The following DLG2 variants were observed in gnomAD, a reference collection of about 807,000 sequenced individuals.
DLG2 encodes the protein disks large homolog 2.
A neutral mutation model predicts 132.5 loss-of-function variants in DLG2; 45 were observed. The observed-to-expected ratio is 0.34, with a 90% CI of 0.27 to 0.44. DLG2 has a LOEUF of 0.44. Ranked by LOEUF, DLG2 falls within the 20% of genes least tolerant of loss-of-function variation. The pLI is 1.00. For synonymous variants in DLG2, 424 were observed against 419.6 expected (o/e 1.01, Z -0.13); for missense variants, 1,045 against 1,196.9 (o/e 0.87, Z 1.87).
chr11:84,370,599 A>G (rs1406403907), intron 7 of DLG2, among the ~76,000 whole-genome samples: 4 of 152,172 alleles, frequency 2.6e-5, no homozygotes, highest in African/African-American at 7.2e-5. Context: ...GAAAGCATCA[A>G]ATCCTTTTTA....
At chr11:83,469,519 AC>A (rs2091716962) in intron 24 of DLG2, 146 bp from the exon 25 acceptor site, 1 of 591,296 alleles carries the variant, frequency 1.7e-6, no homozygotes, top group African/African-American at 1.9e-5. Flanking sequence ...TACTAGTCTT[AC>A]CCTCCCACCA....
intron 11 of DLG2, among the ~76,000 whole-genome samples, chr11:83,987,822 T>A (rs563307854): frequency 6.6e-6 from 1 of 152,136 alleles, no homozygotes; most frequent in Non-Finnish European, 1.5e-5. Flanking sequence ...AATAGCCATC[T>A]CTCTGGTGTG....
intron 7 of DLG2, among the ~76,000 whole-genome samples, chr11:84,388,691 T>C (rs1490823272): frequency 1.3e-5 from 2 of 149,078 alleles, no homozygotes; most frequent in South Asian, 4.3e-4. Context: ...GAGAGGAGCA[T>C]GTGATAAATG....
At position 84,039,976 on chromosome 11, in the gene DLG2, A is replaced by G. The variant is rs1468733656; in HGVS notation, c.919+19339T>C. Among the ~76,000 whole-genome samples the G allele has an allele frequency of 2.7e-5, 4 of 149,328 alleles. No homozygotes were observed. The South Asian group carries it at 6.4e-4, about 24-fold the overall frequency. ...TGCATTTCTCTGATGGCCAGTGATGATGAGCATTTTTTCATGTGTTCTTTG... is the reference window on the plus strand; with the variant it reads ...TGCATTTCTCTGATGGCCAGTGATGGTGAGCATTTTTTCATGTGTTCTTTG... On this transcript the variant is annotated intron_variant, in intron 11 of 27. Transcript: ENST00000376104.
intron 6 of DLG2, among the ~76,000 whole-genome samples, chr11:84,584,755 C>A (rs1458610983): frequency 8.1e-6 from 1 of 123,596 alleles, no homozygotes; most frequent in African/African-American, 3.0e-5. Flanking sequence ...GTGGCGGGAT[C>A]TGGGCTCACT....
intron 19 of DLG2, among the ~76,000 whole-genome samples, chr11:83,563,229 G>A (rs11233676): frequency 0.046 from 7,005 of 151,918 alleles, 197 homozygotes; most frequent in South Asian, 0.11. Flanking sequence ...CGCCCGCCTC[G>A]GCCTCCCAAA....
intron 6 of DLG2, among the ~76,000 whole-genome samples, chr11:84,553,343 T>C (rs1407480019): frequency 2.6e-5 from 4 of 152,206 alleles, no homozygotes; most frequent in African/African-American, 4.8e-5. Flanking sequence ...CAATGACCAG[T>C]GAGCTCTGTT....
At chr11:84,444,127 T>C (rs2099025636) in intron 7 of DLG2, among the ~76,000 whole-genome samples, 1 of 152,022 alleles carries the variant, frequency 6.6e-6, no homozygotes, top group African/African-American at 2.4e-5. Context: ...AACCCAACAC[T>C]GCATGTTCTC....
intron 11 of DLG2, among the ~76,000 whole-genome samples, chr11:84,008,831 G>A (rs2094715286): frequency 2.6e-5 from 4 of 151,654 alleles, no homozygotes; most frequent in Non-Finnish European, 5.9e-5. Flanking sequence ...TCAAATAAGA[G>A]TTCCTGGGAT....
At chr11:85,428,238 G>C (rs1356666685) in intron 3 of DLG2, among the ~76,000 whole-genome samples, 1 of 152,084 alleles carries the variant, frequency 6.6e-6, no homozygotes, top group African/African-American at 2.4e-5. Context: ...AGTTAACAAG[G>C]ATATCCAGGA....
rs146557790 is a variant in DLG2, at chr11:84,900,573, G to A, written c.357+211088C>T. 3.7e-3 allele frequency among the ~76,000 whole-genome samples: 556 copies of A among 152,070 alleles called. 2 individuals are homozygous for A. The highest frequency in any genetic ancestry group is 0.013 in the African/African-American group (537 of 41,510). On this transcript the variant is annotated intron_variant, in intron 6 of 27. Coordinates refer to ENST00000376104, the MANE Select transcript of DLG2 (RefSeq NM_001142699.3). Reference sequence around the variant, plus strand: ...TATTTTAATATCATAAAGCTTAGTAGTTAAAATATAAAGAAATCAAATTTA... The same window carrying A: ...TATTTTAATATCATAAAGCTTAGTAATTAAAATATAAAGAAATCAAATTTA...
intron 4 of DLG2, among the ~76,000 whole-genome samples, chr11:85,225,637 G>C (rs2074929827): frequency 6.6e-6 from 1 of 151,736 alleles, no homozygotes; most frequent in Non-Finnish European, 1.5e-5. Flanking sequence ...TCTGAGTTCT[G>C]TCTCCTCCTT....
At chr11:85,065,388 C>T (rs1023352740) in intron 6 of DLG2, among the ~76,000 whole-genome samples, 1 of 151,348 alleles carries the variant, frequency 6.6e-6, no homozygotes, top group Admixed American at 6.6e-5. Context: ...TTCTCCTCCA[C>T]TAGAAACCCA....
chr11:83,483,246 A>C, intron 22 of DLG2: 1 of 1,612,074 alleles, frequency 6.2e-7, no homozygotes. Flanking sequence ...CATTCCTGGA[A>C]ACTTACTCAG....
chr11:84,335,815 A>G (rs1821437304), intron 7 of DLG2, among the ~76,000 whole-genome samples: 1 of 152,160 alleles, frequency 6.6e-6, no homozygotes, highest in South Asian at 2.1e-4. Flanking sequence ...AATGATTGTC[A>G]TGAACTTGGC....
At chr11:84,559,591 C>A (rs2099419166) in intron 6 of DLG2, among the ~76,000 whole-genome samples, 1 of 151,994 alleles carries the variant, frequency 6.6e-6, no homozygotes, top group Non-Finnish European at 1.5e-5. Context: ...AAAAGCTCTC[C>A]ATCCAGAGCT....
chr11:85,505,719 C>T (rs867506287), intron 3 of DLG2, among the ~76,000 whole-genome samples: 31 of 152,102 alleles, frequency 2.0e-4, no homozygotes, highest in East Asian at 5.8e-4. Flanking sequence ...GGTATCAGAA[C>T]GATGCTGGCC....
At chr11:85,454,824 G>A (rs1406366470) in intron 3 of DLG2, among the ~76,000 whole-genome samples, 2 of 151,972 alleles carry the variant, frequency 1.3e-5, no homozygotes, top group Non-Finnish European at 2.9e-5. Flanking sequence ...TAGTTTTGTG[G>A]AAGATCAGAT....
chr11:84,182,069 A>G (rs1057109575), intron 8 of DLG2, among the ~76,000 whole-genome samples: 1 of 152,200 alleles, frequency 6.6e-6, no homozygotes, highest in Non-Finnish European at 1.5e-5. Context: ...ATGACAGCAG[A>G]TTACACATTC....
Sources: allele counts gnomAD v4.1 joint callset (sites outside exome capture counted in the v4.1 genomes callset), GRCh38; gene constraint gnomAD v4.1.1; transcripts MANE v1.5; gene names NCBI Gene and HGNC (gene_info 2026-07-23, HGNC 2026-07-21).